RCAN1: variants seen among roughly 807,000 people sequenced by gnomAD.
The protein encoded by RCAN1 is calcipressin-1.
Under a neutral mutation model 22.9 loss-of-function variants are expected in RCAN1, and 11 were observed. The ratio of observed to expected loss-of-function variants is 0.48; its 90% CI spans 0.30 to 0.79. The LOEUF is 0.79. Ranked by LOEUF, RCAN1 falls within the 30% of genes least tolerant of loss-of-function variation. The pLI, the probability that RCAN1 is intolerant of heterozygous loss-of-function variation, is 0.06. For missense variants in RCAN1, 291 were observed against 337.8 expected, an observed-to-expected ratio of 0.86 and a Z score of 1.09; for synonymous variants, 136 against 142.3, an observed-to-expected ratio of 0.96 and a Z score of 0.32.
At chr21:34,568,144 T>G (rs953741216) in intron 1 of RCAN1, among the ~76,000 whole-genome samples, 1 of 152,200 alleles carries the variant, frequency 6.6e-6, no homozygotes, top group Admixed American at 6.5e-5. Context: ...AAGCCCGAAG[T>G]GCACATTGAA....
At chr21:34,593,396 T>C (rs1568927400) in intron 1 of RCAN1, among the ~76,000 whole-genome samples, 1 of 152,232 alleles carries the variant, frequency 6.6e-6, no homozygotes, top group Non-Finnish European at 1.5e-5. Context: ...ACCTTCTCAA[T>C]ACATCATTAC....
At chr21:34,542,520 G>A (rs1480576157) in intron 1 of RCAN1, among the ~76,000 whole-genome samples, 1 of 145,230 alleles carries the variant, frequency 6.9e-6, no homozygotes, top group Admixed American at 7.1e-5. Context: ...CTATATAAGT[G>A]TGACAACTTG....
intron 1 of RCAN1, chr21:34,523,944 G>A: frequency 2.9e-6 from 1 of 342,032 alleles, no homozygotes; most frequent in Non-Finnish European, 5.4e-6. Context: ...CAGCACACCT[G>A]GCTAATTTTT....
intron 1 of RCAN1, among the ~76,000 whole-genome samples, chr21:34,575,216 G>A (rs1016670962): frequency 6.6e-6 from 1 of 152,188 alleles, no homozygotes; most frequent in Non-Finnish European, 1.5e-5. Context: ...TTCAGGATCC[G>A]AGCCTGCACA....
chr21:34,603,596 C>T (rs998450704), intron 1 of RCAN1, among the ~76,000 whole-genome samples: 10 of 152,306 alleles, frequency 6.6e-5, no homozygotes, highest in Non-Finnish European at 1.5e-4. Context: ...AAGGCACAGC[C>T]TTGGAAGAAC....
At chr21:34,525,331 A>C (rs1467325980) in intron 1 of RCAN1, 2 of 1,516,688 alleles carry the variant, frequency 1.3e-6, no homozygotes. Context: ...TCTTCAGTTT[A>C]GGGACATTTC....
In RCAN1 at chr21:34,614,901, C is replaced by G. The variant is rs1482316098; in HGVS notation, c.111G>C (p.Ser37=). 4.2e-6 allele frequency: 6 copies of G among 1,429,378 alleles called. No individual in the cohort carries two copies. The highest frequency in any genetic ancestry group is 3.3e-5 in the East Asian group (1 of 30,086). The allele number at this position is 1,429,378 out of a possible 1,614,324, so 88.5% of individuals were successfully genotyped here. ...CGCCCTCGTCCGCCTCGGCCGCCCC[C>G]GAGAGGGGCGCGAAGGGCCGCAGCG... ...GVTLRPFAPL[S]GAAEADEGGG... Residue 37 remains serine (S), a synonymous_variant, in exon 1 of 4, where the codon TCG becomes TCC. Transcript: ENST00000313806. This position sits in a 1 kb window ranked among gnomAD's most constrained non-coding sequence, Gnocchi z 6.0.
intron 1 of RCAN1, among the ~76,000 whole-genome samples, chr21:34,611,431 C>A (rs1025097217): frequency 6.6e-5 from 10 of 152,226 alleles, no homozygotes; most frequent in Non-Finnish European, 1.5e-4. Context: ...ACAAATCTTA[C>A]ATATCTGGCC....
chr21:34,531,837 C>G (rs908649950), intron 1 of RCAN1, among the ~76,000 whole-genome samples: 1 of 152,116 alleles, frequency 6.6e-6, no homozygotes, highest in Non-Finnish European at 1.5e-5. Context: ...CCTTTCTCCC[C>G]TTTCCTTTCC....
intron 1 of RCAN1, among the ~76,000 whole-genome samples, chr21:34,581,749 A>G (rs1047184424): frequency 6.6e-6 from 1 of 152,212 alleles, no homozygotes; most frequent in African/African-American, 2.4e-5. Context: ...GTTATTCATG[A>G]AAAAAATCTT....
At chr21:34,527,538 T>C (rs774530291) in intron 1 of RCAN1, among the ~76,000 whole-genome samples, 11 of 152,214 alleles carry the variant, frequency 7.2e-5, no homozygotes, top group Non-Finnish European at 1.2e-4. Flanking sequence ...GGATTTTCAT[T>C]TGAAAACTTC....
At chr21:34,523,298 T>C (rs1984736610) in intron 2 of RCAN1, among the ~76,000 whole-genome samples, 1 of 152,204 alleles carries the variant, frequency 6.6e-6, no homozygotes, top group South Asian at 2.1e-4. Flanking sequence ...AAGGCTTTCT[T>C]TCCCCCATCA....
In RCAN1 at chr21:34,525,219, G is replaced by C. The variant is rs758270884; in HGVS notation, c.253-1509C>G. On this transcript the variant is annotated intron_variant, in intron 1 of 3. Transcript: ENST00000313806. ...GCACTGGTGGATGCCTGCTCCACAT[G>C]GGGCTGCGGGTAGGAGCAGGGTAGT... The C allele has an allele frequency of 4.5e-6, 7 of 1,550,636 alleles. No individual in the cohort carries two copies. The South Asian group carries it at 7.1e-5, about 16-fold the overall frequency.
intron 1 of RCAN1, among the ~76,000 whole-genome samples, chr21:34,537,385 A>G (rs1985718278): frequency 6.6e-6 from 1 of 152,214 alleles, no homozygotes; most frequent in Admixed American, 6.5e-5. Context: ...ATTAACATTG[A>G]CGGAAAATTA....
At chr21:34,563,280 A>G (rs889707881) in intron 1 of RCAN1, among the ~76,000 whole-genome samples, 6 of 152,354 alleles carry the variant, frequency 3.9e-5, no homozygotes, top group Admixed American at 1.3e-4. Flanking sequence ...TGATGTGGAC[A>G]CTGAAAAGTA....
intron 1 of RCAN1, 59 bp from the exon 2 acceptor site, chr21:34,523,769 T>C (rs892158706): frequency 7.3e-6 from 10 of 1,369,204 alleles, no homozygotes; most frequent in African/African-American, 5.9e-5. Flanking sequence ...GACCCTTGAC[T>C]AGATGATGTC....
intron 1 of RCAN1, among the ~76,000 whole-genome samples, chr21:34,576,943 T>C (rs1987427602): frequency 6.6e-6 from 1 of 152,226 alleles, no homozygotes; most frequent in Non-Finnish European, 1.5e-5. Flanking sequence ...AATACTAAAA[T>C]TGTTTCTTCA....
chr21:34,589,709 A>AG (rs35506049), intron 1 of RCAN1, among the ~76,000 whole-genome samples: 68,914 of 151,506 alleles, frequency 0.45, 15,864 homozygotes, highest in East Asian at 0.61. Flanking sequence ...GGAGAACAAA[A>AG]GGGGGGAGTC....
intron 1 of RCAN1, among the ~76,000 whole-genome samples, chr21:34,572,234 G>A (rs920285689): frequency 6.6e-6 from 1 of 152,198 alleles, no homozygotes; most frequent in Non-Finnish European, 1.5e-5. Flanking sequence ...TCTGCCCAAT[G>A]AGGACTAGGT....
Sources: allele counts gnomAD v4.1 joint callset (sites outside exome capture counted in the v4.1 genomes callset), GRCh38; gene constraint gnomAD v4.1.1; non-coding constraint Gnocchi (gnomAD v3.1); transcripts MANE v1.5; gene names NCBI Gene and HGNC (gene_info 2026-07-23, HGNC 2026-07-21).